The following IGSF11 variants were observed in gnomAD, a reference collection of about 807,000 sequenced individuals.
The protein encoded by IGSF11 is CXADR like 1.
A neutral mutation model predicts 41.0 loss-of-function variants in IGSF11; 22 were observed. The observed-to-expected ratio is 0.54, with a 90% CI of 0.38 to 0.77. The LOEUF is 0.77. IGSF11 is among the 30% of genes least tolerant of loss of function. The pLI, the probability that IGSF11 is intolerant of heterozygous loss-of-function variation, is 0.00. For missense variants in IGSF11, 444 were observed against 530.8 expected, an observed-to-expected ratio of 0.84 and a Z score of 1.61; for synonymous variants, 219 against 201.3, an observed-to-expected ratio of 1.09 and a Z score of -0.74.
At chr3:119,056,989 A>G (rs1041688665) in intron 1 of IGSF11, among the ~76,000 whole-genome samples, 5 of 152,352 alleles carry the variant, frequency 3.3e-5, no homozygotes, top group Admixed American at 3.3e-4. Flanking sequence ...AATAAGAGCT[A>G]TCTATGACAA....
At chr3:118,997,528 C>CT (rs1309999095) in intron 1 of IGSF11, among the ~76,000 whole-genome samples, 1 of 141,560 alleles carries the variant, frequency 7.1e-6, no homozygotes, top group Non-Finnish European at 1.6e-5. Context: ...CCTCTGCTGC[C>CT]CCCCCCCAGC....
At chr3:119,103,520 G>A (rs1458068983) in intron 1 of IGSF11, among the ~76,000 whole-genome samples, 1 of 151,950 alleles carries the variant, frequency 6.6e-6, no homozygotes, top group Non-Finnish European at 1.5e-5. Flanking sequence ...CTTCCTTTCT[G>A]CTAAGCCAAG....
chr3:119,091,575 G>A (rs564260957), intron 1 of IGSF11, among the ~76,000 whole-genome samples: 81 of 151,374 alleles, frequency 5.4e-4, no homozygotes, highest in African/African-American at 1.8e-3. Flanking sequence ...GGAGCTGGAG[G>A]CCATATCCTA....
At chr3:119,003,733 G>C (rs369708943) in intron 1 of IGSF11, among the ~76,000 whole-genome samples, 1 of 151,864 alleles carries the variant, frequency 6.6e-6, no homozygotes, top group East Asian at 1.9e-4. Flanking sequence ...TGTGGTTTTT[G>C]TCTTTGGCTC....
At chr3:118,989,655 C>T (rs1435578319) in intron 1 of IGSF11, among the ~76,000 whole-genome samples, 1 of 152,118 alleles carries the variant, frequency 6.6e-6, no homozygotes, top group Non-Finnish European at 1.5e-5. Context: ...CACCCAGCCC[C>T]TTTATAGCAT....
At chr3:119,098,374 G>A (rs556551152) in intron 1 of IGSF11, among the ~76,000 whole-genome samples, 6 of 152,172 alleles carry the variant, frequency 3.9e-5, no homozygotes, top group African/African-American at 1.4e-4. Context: ...AGCATTCAAC[G>A]CATGCTATGT....
Position 119,063,406 on chromosome 3 carries a change from C to T in IGSF11, c.49+41738G>A, listed in dbSNP as rs1172622240. Among the ~76,000 whole-genome samples, 5 of 152,124 alleles carry T rather than the reference C, an allele frequency of 3.3e-5. No individual in the cohort carries two copies. The East Asian group carries it at 5.8e-4, about 18-fold the overall frequency. ...AGCAAAACTGTGCATTTTAATTCCCCTTTGTAAATCATGTTTTCTTGTAAA... is the reference window on the plus strand; with the variant it reads ...AGCAAAACTGTGCATTTTAATTCCCTTTTGTAAATCATGTTTTCTTGTAAA... On this transcript the variant is annotated intron_variant, in intron 1 of 6. Coordinates refer to the IGSF11 transcript ENST00000354673.
At chr3:119,047,982 G>C (rs574486618) in intron 1 of IGSF11, among the ~76,000 whole-genome samples, 1 of 152,034 alleles carries the variant, frequency 6.6e-6, no homozygotes, top group East Asian at 1.9e-4. Flanking sequence ...AGAATCTCTG[G>C]GATACATTCA....
intron 1 of IGSF11, among the ~76,000 whole-genome samples, chr3:118,967,700 C>T (rs545982898): frequency 1.7e-4 from 26 of 152,292 alleles, no homozygotes; most frequent in African/African-American, 6.0e-4. Context: ...CCATTTTTCG[C>T]ATAGTACCCT....
Position 118,926,127 on chromosome 3 carries a change from AG to A in IGSF11, c.553del (p.Leu185SerfsTer58), listed in dbSNP as rs750242487. Reference sequence around the variant, plus strand: ...CTGAGTAGCTGTTGGAGGTAGTTTGAGGGTATTGTCTAACTTCTCCCAAAGG... The same window carrying A: ...CTGAGTAGCTGTTGGAGGTAGTTTGAGGTATTGTCTAACTTCTCCCAAAGG... ...TYLWEKLDNT[L>X]KLPPTATQDQ... On this transcript the variant is annotated frameshift_variant, in exon 4 of 7. Coordinates refer to ENST00000393775, the MANE Select transcript of IGSF11 (RefSeq NM_001015887.3). LOFTEE classifies it high-confidence loss of function. 1.2e-6 allele frequency: 2 copies of A among 1,610,070 alleles called. No individual in the cohort carries two copies. Among genetic ancestry groups the A allele is most frequent in the Non-Finnish European group, 1.7e-6 (2 of 1,177,582 alleles).
chr3:119,051,155 A>G (rs928905806), intron 1 of IGSF11, among the ~76,000 whole-genome samples: 4 of 147,934 alleles, frequency 2.7e-5, no homozygotes, highest in African/African-American at 1.0e-4. Flanking sequence ...ATAATAATTA[A>G]TAAATAAATA....
At chr3:119,107,019 G>C (rs1448676175), upstream of IGSF11, among the ~76,000 whole-genome samples, 3 of 152,110 alleles carry the variant, frequency 2.0e-5, no homozygotes, top group African/African-American at 7.2e-5. Flanking sequence ...CCAAGTCTTT[G>C]CTATTGTAAA....
At chr3:119,071,560 G>C (rs1023242564) in intron 1 of IGSF11, among the ~76,000 whole-genome samples, 4 of 152,144 alleles carry the variant, frequency 2.6e-5, no homozygotes, top group Non-Finnish European at 4.4e-5. Context: ...AGTTGTCCAA[G>C]CACCATTTGT....
At chr3:118,907,153 AT>A (rs1220533871) in intron 4 of IGSF11, among the ~76,000 whole-genome samples, 2 of 152,160 alleles carry the variant, frequency 1.3e-5, no homozygotes, top group East Asian at 3.9e-4. Flanking sequence ...TGGGTTACTT[AT>A]TTTTACATGG....
intron 1 of IGSF11, among the ~76,000 whole-genome samples, chr3:119,097,759 G>C (rs2076877368): frequency 2.0e-5 from 3 of 151,938 alleles, no homozygotes; most frequent in Admixed American, 2.0e-4. Flanking sequence ...CGATGATGCT[G>C]TTTATTTTTC....
At chr3:118,949,557 T>A (rs1208134206) in intron 1 of IGSF11, among the ~76,000 whole-genome samples, 2 of 152,156 alleles carry the variant, frequency 1.3e-5, no homozygotes, top group Admixed American at 1.3e-4. Context: ...ATAGCTGAAA[T>A]GTGATGAAAC....
At chr3:119,040,268 C>CAGCTTTG (rs1941070666) in intron 1 of IGSF11, among the ~76,000 whole-genome samples, 1 of 152,148 alleles carries the variant, frequency 6.6e-6, no homozygotes, top group Non-Finnish European at 1.5e-5. Context: ...TGCAAGAAGA[C>CAGCTTTG]AGCTTTGACT....
intron 1 of IGSF11, among the ~76,000 whole-genome samples, chr3:118,953,466 A>C (rs1288578911): frequency 6.6e-6 from 1 of 152,192 alleles, no homozygotes; most frequent in African/African-American, 2.4e-5. Flanking sequence ...TAGTTATTTA[A>C]GGAATCTCCA....
Position 118,965,949 on chromosome 3 carries a change from A to G in IGSF11, c.53-35674T>C, listed in dbSNP as rs573153720. 5.9e-5 allele frequency among the ~76,000 whole-genome samples: 9 copies of G among 152,142 alleles called. No homozygotes were observed. In the East Asian group the frequency reaches 1.7e-3, roughly 29 times the overall value. ...GAGTTCTGGGTATGGAGCAGTTCAT[A>G]GCGTTCAGAAAAGACCAGGCAAGAT... On this transcript the variant is annotated intron_variant, in intron 1 of 6. Coordinates refer to ENST00000393775, the MANE Select transcript of IGSF11 (RefSeq NM_001015887.3).
Sources: allele counts gnomAD v4.1 joint callset (sites outside exome capture counted in the v4.1 genomes callset), GRCh38; gene constraint gnomAD v4.1.1; transcripts MANE v1.5; gene names NCBI Gene and HGNC (gene_info 2026-07-23, HGNC 2026-07-21).